The following CTNNA3 variants were observed in gnomAD, a reference collection of about 807,000 sequenced individuals.
CTNNA3 encodes the protein catenin alpha 3, also known as catenin alpha-3.
A neutral mutation model predicts 95.7 loss-of-function variants in CTNNA3; 76 were observed. The ratio of observed to expected loss-of-function variants is 0.79; its 90% confidence interval spans 0.66 to 0.96. The LOEUF (loss-of-function observed/expected upper bound fraction) is 0.96. CTNNA3 is among the 40% of genes least tolerant of loss of function. The pLI is 0.00. For missense variants in CTNNA3, 1,191 were observed against 1,089.8 expected, an observed-to-expected ratio of 1.09 and a Z score of -1.31; for synonymous variants, 431 against 374.4, an observed-to-expected ratio of 1.15 and a Z score of -1.74.
At chr10:67,188,778 G>A (rs1589840634) in intron 6 of CTNNA3, among the ~76,000 whole-genome samples, 1 of 152,110 alleles carries the variant, frequency 6.6e-6, no homozygotes, top group African/African-American at 2.4e-5. Flanking sequence ...TAAAGAAAAT[G>A]TAGTATATAT....
At position 67,412,302 on chromosome 10, in the gene CTNNA3, G is replaced by C. The variant is rs532794488; in HGVS notation, c.579+109540C>G. On this transcript the variant is annotated intron_variant, in intron 5 of 17. Transcript: ENST00000433211. ...CATGCATTCATTAGCAATTTGAATA[G>C]AATTTTAATAAAATTCAACAAAAAG... Among the ~76,000 whole-genome samples the C allele has an allele frequency of 3.9e-5, 6 of 152,140 alleles. No homozygotes were observed. In the South Asian group the frequency reaches 1.2e-3, roughly 32 times the overall value.
intron 1 of CTNNA3, among the ~76,000 whole-genome samples, chr10:67,713,831 C>A (rs3125307): frequency 6.7e-6 from 1 of 149,432 alleles, no homozygotes; most frequent in East Asian, 2.0e-4. Flanking sequence ...AAATACCTAA[C>A]GCATGAGGGA....
At chr10:67,506,439 C>G (rs924373013) in intron 5 of CTNNA3, among the ~76,000 whole-genome samples, 1 of 152,116 alleles carries the variant, frequency 6.6e-6, no homozygotes, top group African/African-American at 2.4e-5. Flanking sequence ...AATAAGTACG[C>G]CTTAAAAAAA....
At chr10:67,223,611 A>G (rs1864755566) in intron 5 of CTNNA3, among the ~76,000 whole-genome samples, 6 of 152,228 alleles carry the variant, frequency 3.9e-5, no homozygotes, top group Admixed American at 3.9e-4. Context: ...GTGGGTAGAG[A>G]AGTAACATAT....
chr10:67,608,891 G>C (rs2133383086), intron 2 of CTNNA3, among the ~76,000 whole-genome samples: 1 of 152,082 alleles, frequency 6.6e-6, no homozygotes, highest in African/African-American at 2.4e-5. Context: ...GGGAGTTCAA[G>C]ACCAACCTGA....
At chr10:66,811,220 G>A (rs1484677159) in intron 7 of CTNNA3, among the ~76,000 whole-genome samples, 2 of 152,204 alleles carry the variant, frequency 1.3e-5, no homozygotes, top group East Asian at 1.9e-4. Flanking sequence ...CCAGTGTGGT[G>A]AGGGCTCTGA....
chr10:67,206,687 A>G (rs1317037581), intron 6 of CTNNA3, among the ~76,000 whole-genome samples: 1 of 151,306 alleles, frequency 6.6e-6, no homozygotes, highest in Non-Finnish European at 1.5e-5. Context: ...AGAGTTTCCA[A>G]CAGGACTCTA....
At chr10:67,695,332 T>G (rs1481146314) in intron 1 of CTNNA3, among the ~76,000 whole-genome samples, 1 of 152,202 alleles carries the variant, frequency 6.6e-6, no homozygotes, top group African/African-American at 2.4e-5. Context: ...TTTATTTGTC[T>G]TCCGTGTAAC....
At chr10:67,743,873 G>C (rs1185431713) in intron 1 of CTNNA3, among the ~76,000 whole-genome samples, 1 of 151,026 alleles carries the variant, frequency 6.6e-6, no homozygotes, top group Non-Finnish European at 1.5e-5. Context: ...CAAACAGAGA[G>C]CCAAATCATG....
At chr10:66,824,739 A>G (rs1293539462) in intron 7 of CTNNA3, among the ~76,000 whole-genome samples, 1 of 152,174 alleles carries the variant, frequency 6.6e-6, no homozygotes, top group African/African-American at 2.4e-5. Context: ...GTACTCTTCA[A>G]AACCATCAAG....
chr10:67,350,565 T>TAAA (rs11338454), intron 5 of CTNNA3, among the ~76,000 whole-genome samples: 1 of 125,080 alleles, frequency 8.0e-6, no homozygotes, highest in African/African-American at 2.9e-5. Context: ...AAATGGTTAG[T>TAAA]AAAAAAAAAA....
At chr10:66,403,346 A>G (rs2441751) in intron 11 of CTNNA3, among the ~76,000 whole-genome samples, 33,237 of 152,060 alleles carry the variant, frequency 0.22, 4,785 homozygotes, top group African/African-American at 0.42. Context: ...ACCTGTGACC[A>G]GGTAATTGAT....
At chr10:67,159,208 CTCAAATCAATCACAACCCTT>C (rs1323032644) in intron 7 of CTNNA3, among the ~76,000 whole-genome samples, 1 of 152,208 alleles carries the variant, frequency 6.6e-6, no homozygotes, top group Non-Finnish European at 1.5e-5. Context: ...CCCTTGCTTG[CTCAAATCAATCACAACCCTT>C]TCATGTGAAA....
intron 7 of CTNNA3, 76 bp from the exon 8 acceptor site, chr10:66,775,600 C>A: frequency 2.0e-6 from 2 of 1,024,982 alleles, no homozygotes; most frequent in Non-Finnish European, 3.0e-6. Flanking sequence ...TTCTAAATTT[C>A]CTGAAAATAA....
intron 5 of CTNNA3, among the ~76,000 whole-genome samples, chr10:67,390,024 C>T (rs1196905008): frequency 6.6e-6 from 1 of 151,862 alleles, no homozygotes; most frequent in African/African-American, 2.4e-5. Context: ...CAAACACACT[C>T]AAAAGCTAGC....
chr10:66,251,003 A>G (rs909692322), intron 13 of CTNNA3, among the ~76,000 whole-genome samples: 4 of 152,176 alleles, frequency 2.6e-5, no homozygotes, highest in Non-Finnish European at 1.5e-5. Context: ...CTTGTAGACC[A>G]TTGATTATTC....
chr10:67,232,572 A>G (rs1444977417), intron 5 of CTNNA3, among the ~76,000 whole-genome samples: 1 of 152,166 alleles, frequency 6.6e-6, no homozygotes, highest in African/African-American at 2.4e-5. Context: ...AAATGTAAAG[A>G]CCATCGAGAC....
chr10:66,909,255 C>T (rs1293565479), intron 7 of CTNNA3, among the ~76,000 whole-genome samples: 1 of 152,148 alleles, frequency 6.6e-6, no homozygotes, highest in African/African-American at 2.4e-5. Context: ...TGGCTCATTC[C>T]TGTATTCCCT....
intron 5 of CTNNA3, among the ~76,000 whole-genome samples, chr10:67,408,882 C>CAAAAAAAAAAAAAAAAA (rs766212790): frequency 1.0e-5 from 1 of 97,202 alleles, no homozygotes; most frequent in African/African-American, 3.8e-5. Flanking sequence ...CTTAAATTTA[C>CAAAAAAAAAAAAAAAAA]AAAAAAAAAA....
Sources: allele counts gnomAD v4.1 joint callset (sites outside exome capture counted in the v4.1 genomes callset), GRCh38; gene constraint gnomAD v4.1.1; transcripts MANE v1.5; gene names NCBI Gene and HGNC (gene_info 2026-07-23, HGNC 2026-07-21).